The following PXK variants were observed in gnomAD, a reference collection of about 807,000 sequenced individuals.
PXK encodes PX domain containing serine/threonine kinase like, also known as PX domain-containing protein kinase-like protein.
A neutral mutation model predicts 84.7 loss-of-function variants in PXK; 35 were observed. The ratio of observed to expected loss-of-function variants is 0.41; its 90% CI spans 0.32 to 0.55. The LOEUF (loss-of-function observed/expected upper bound fraction) is 0.55. Ranked by LOEUF, PXK falls within the 20% of genes least tolerant of loss-of-function variation. PXK has a pLI of 0.21. For missense variants in PXK, 634 were observed against 699.7 expected, an observed-to-expected ratio of 0.91 and a Z score of 1.06; for synonymous variants, 253 against 260.8, an observed-to-expected ratio of 0.97 and a Z score of 0.29.
Position 58,424,882 on chromosome 3 carries a change from C to T in PXK, c.1659C>T (p.Leu553=). 1 of 1,614,254 alleles carries T rather than the reference C, an allele frequency of 6.2e-7. No individual in the cohort carries two copies. Residue 553 remains leucine, a synonymous_variant, in exon 18 of 18, where the codon CTC becomes CTT. Transcript: ENST00000356151. ...ATGGCATGAGCCGAGGGGCCTTGCT[C>T]AGCTCCATCCAGAATTTCCAAAAAG... ...AVNGMSRGAL[L]SSIQNFQKGT...
chr3:58,337,420 A>G (rs2097642573), intron 1 of PXK, among the ~76,000 whole-genome samples: 1 of 152,190 alleles, frequency 6.6e-6, no homozygotes, highest in African/African-American at 2.4e-5. Context: ...TAGAGATAGA[A>G]TGGTGAACCA....
intron 1 of PXK, among the ~76,000 whole-genome samples, chr3:58,350,036 G>A (rs1211598159): frequency 6.6e-6 from 1 of 152,202 alleles, no homozygotes; most frequent in Non-Finnish European, 1.5e-5. Context: ...TTTAACAGGA[G>A]CACAGTGTAG....
rs562710712 is a variant in PXK, at chr3:58,389,997, C to T, written c.389-585C>T. 1.5e-3 allele frequency among the ~76,000 whole-genome samples: 99 copies of T among 66,346 alleles called. 1 individual carries two copies. Among genetic ancestry groups the T allele is most frequent in the African/African-American group, 4.8e-3 (87 of 18,172 alleles). 43.5% of individuals were successfully genotyped at this position (66,346 alleles called of 152,430 possible). A position where few individuals can be genotyped will look rare whatever the true frequency, so the allele number is the denominator to read the frequency against. On this transcript the variant is annotated intron_variant, in intron 4 of 17. Coordinates refer to ENST00000356151, the MANE Select transcript of PXK (RefSeq NM_017771.5). ...CTGGGTAACAAGAGTGAAACTCCGT[C>T]TCAAAAAAAAAAAAAAAAAAAAAAA... is the stretch of plus-strand genomic sequence containing the variant.
intron 3 of PXK, among the ~76,000 whole-genome samples, chr3:58,371,900 A>G (rs770272337): frequency 1.4e-4 from 21 of 152,216 alleles, no homozygotes; most frequent in Non-Finnish European, 2.2e-4. Context: ...TGGCAGTGAA[A>G]TAATTTAAAA....
In PXK at chr3:58,336,063, ATATATATATTTTTT is replaced by A. The variant is rs1193893790; in HGVS notation, c.102+2975_102+2988del. Reference sequence around the variant, plus strand: ...CATATATATATATATATATATATATATATATATATTTTTTTTTTTTTTTTTTAATACCAATGGGG... The same window carrying A: ...CATATATATATATATATATATATATATTTTTTTTTTTTAATACCAATGGGG... On this transcript the variant is annotated intron_variant, in intron 1 of 17. Transcript: ENST00000356151. Among the ~76,000 whole-genome samples the A allele has an allele frequency of 1.9e-4, 11 of 58,108 alleles. No individual in the cohort carries two copies. In the East Asian group the frequency reaches 2.4e-3, roughly 13 times the overall value. 38.1% of individuals were successfully genotyped at this position (58,108 alleles called of 152,430 possible).
At position 58,389,669 on chromosome 3, in the gene PXK, A is replaced by AAAAC. The variant is rs199541114; in HGVS notation, c.389-905_389-902dup. Among the ~76,000 whole-genome samples, 17 of 98,726 alleles carry AAAAC rather than the reference A, an allele frequency of 1.7e-4. No homozygotes were observed. In the East Asian group the frequency reaches 3.0e-3, roughly 17 times the overall value. 64.8% of individuals were successfully genotyped at this position (98,726 alleles called of 152,430 possible). A position where few individuals can be genotyped will look rare whatever the true frequency, so the allele number is the denominator to read the frequency against. On this transcript the variant is annotated intron_variant, in intron 4 of 17. Transcript: ENST00000356151. ...AAATACCTTGTCACTAAAAAAAACAAAAACAAACAAAAAAAAAAACCACAC... is the reference window on the plus strand; with the variant it reads ...AAATACCTTGTCACTAAAAAAAACAAAAACAAACAAACAAAAAAAAAAACCACAC...
Position 58,421,792 on chromosome 3 carries a change from G to C in PXK, c.1529-2960G>C. On this transcript the variant is annotated intron_variant, in intron 17 of 17. Coordinates refer to ENST00000356151, the MANE Select transcript of PXK (RefSeq NM_017771.5). This position sits in a 1 kb window ranked among gnomAD's most constrained non-coding sequence, Gnocchi z 5.5. The stretch of plus-strand genomic sequence containing the variant: ...GGTAGAGTAAGTAGTTGGCTCTCAG[G>C]GATTTTGTCTAAGAGAAAGTGAGAT... 1 of 985,396 alleles carries C rather than the reference G, an allele frequency of 1.0e-6. No individual in the cohort carries two copies. Among genetic ancestry groups the C allele is most frequent in the South Asian group, 4.7e-5 (1 of 21,286 alleles). 61.0% of individuals were successfully genotyped at this position (985,396 alleles called of 1,614,324 possible).
Position 58,333,663 on chromosome 3 carries a change from C to T in PXK, c.102+573C>T, listed in dbSNP as rs1004417752. 2 of 456,450 alleles carry T rather than the reference C, an allele frequency of 4.4e-6. No individual in the cohort carries two copies. The highest frequency in any genetic ancestry group is 8.8e-6 in the Non-Finnish European group (2 of 226,880). The allele number at this position is 456,450 out of a possible 1,614,324, so 28.3% of individuals were successfully genotyped here. On this transcript the variant is annotated intron_variant, in intron 1 of 17. Coordinates refer to ENST00000356151, the MANE Select transcript of PXK (RefSeq NM_017771.5). The surrounding 1 kb of genome is among the most constrained non-coding windows in gnomAD (Gnocchi z 5.4). ...CCCTGGTCCCGGGAAGTGGTGGGGGCGGCAGTCGGGGCGCTGTTAAGCAGG... is the reference window on the plus strand; with the variant it reads ...CCCTGGTCCCGGGAAGTGGTGGGGGTGGCAGTCGGGGCGCTGTTAAGCAGG...
chr3:58,421,581 G>A lies in PXK; in HGVS notation c.1529-3171G>A, dbSNP rs750680213. Reference sequence around the variant, plus strand: ...GGCAACAGAGCGAGACTCCATCTCAGAAAAAAAGGAACTGGAGGGAGGGAC... The same window carrying A: ...GGCAACAGAGCGAGACTCCATCTCAAAAAAAAAGGAACTGGAGGGAGGGAC... On this transcript the variant is annotated intron_variant, in intron 17 of 17. Coordinates refer to ENST00000356151, the MANE Select transcript of PXK (RefSeq NM_017771.5). This position sits in a 1 kb window ranked among gnomAD's most constrained non-coding sequence, Gnocchi z 5.5. 1.0e-6 allele frequency: 1 copy of A among 987,464 alleles called. No homozygotes were observed. Among genetic ancestry groups the A allele is most frequent in the Non-Finnish European group, 1.2e-6 (1 of 829,762 alleles). 61.2% of individuals were successfully genotyped at this position (987,464 alleles called of 1,614,324 possible).
In PXK at chr3:58,413,102, A is replaced by G. The variant is rs201193584; in HGVS notation, c.1528+139A>G. The G allele has an allele frequency of 6.6e-5, 58 of 872,652 alleles. 1 individual carries two copies. In the East Asian group the frequency reaches 1.4e-3, roughly 21 times the overall value. 54.1% of individuals were successfully genotyped at this position (872,652 alleles called of 1,614,324 possible). On this transcript the variant is annotated intron_variant, in intron 17 of 17. Transcript: ENST00000356151. ...CTCAAGAGAAATCAGTGGGAGTGCAAATTAGCAGTGTCATTTGGGAGAGCT... is the reference window on the plus strand; with the variant it reads ...CTCAAGAGAAATCAGTGGGAGTGCAGATTAGCAGTGTCATTTGGGAGAGCT...
At chr3:58,371,476 C>T (rs578099267) in intron 3 of PXK, among the ~76,000 whole-genome samples, 6 of 152,358 alleles carry the variant, frequency 3.9e-5, no homozygotes, top group African/African-American at 1.4e-4. Context: ...CCTTTATGCT[C>T]AAGCGAACCT....
rs2058340591 is a variant in PXK at position 58,400,159 on chromosome 3, G to T, written c.1181+782G>T. On this transcript the variant is annotated intron_variant, in intron 12 of 17. Coordinates refer to ENST00000356151, the MANE Select transcript of PXK (RefSeq NM_017771.5). The surrounding 1 kb of genome is among the most constrained non-coding windows in gnomAD (Gnocchi z 4.0). ...TAGAGTTTTGTGAACTGTGAAATGGGAATGATAATAAGTTCCCACCTCAGA... is the reference window on the plus strand; with the variant it reads ...TAGAGTTTTGTGAACTGTGAAATGGTAATGATAATAAGTTCCCACCTCAGA... 6.6e-6 allele frequency among the ~76,000 whole-genome samples: 1 copy of T among 152,070 alleles called. No homozygotes were observed. Among genetic ancestry groups the T allele is most frequent in the East Asian group, 1.9e-4 (1 of 5,158 alleles).
chr3:58,350,399 A>T (rs371575013), intron 1 of PXK, among the ~76,000 whole-genome samples: 64 of 152,238 alleles, frequency 4.2e-4, no homozygotes, highest in Middle Eastern at 3.4e-3. Context: ...CATATTCTCC[A>T]GGCCCGGGTT....
At chr3:58,377,146 A>G (rs1291189339) in intron 3 of PXK, among the ~76,000 whole-genome samples, 1 of 152,242 alleles carries the variant, frequency 6.6e-6, no homozygotes, top group Non-Finnish European at 1.5e-5. Context: ...GCTGTGATAG[A>G]AAATTTACTC....
chr3:58,399,795 C>T lies in PXK; in HGVS notation c.1181+418C>T, dbSNP rs1300253964. Reference sequence around the variant, plus strand: ...AAGTCACAGGGCCTTGAAGGGTCTGCCCTCCAGGAAGAGGGCAACGTGTTT... The same window carrying T: ...AAGTCACAGGGCCTTGAAGGGTCTGTCCTCCAGGAAGAGGGCAACGTGTTT... On this transcript the variant is annotated intron_variant, in intron 12 of 17. Coordinates refer to ENST00000356151, the MANE Select transcript of PXK (RefSeq NM_017771.5). This position sits in a 1 kb window ranked among gnomAD's most constrained non-coding sequence, Gnocchi z 4.3. Among the ~76,000 whole-genome samples, 1 of 152,010 alleles carries T rather than the reference C, an allele frequency of 6.6e-6. No homozygotes were observed. The highest frequency in any genetic ancestry group is 1.5e-5 in the Non-Finnish European group (1 of 68,028).
rs1323292635 is a variant in PXK at position 58,407,738 on chromosome 3, G to T, written c.1231-1186G>T. Among the ~76,000 whole-genome samples the T allele has an allele frequency of 6.6e-6, 1 of 151,938 alleles. No individual in the cohort carries two copies. The highest frequency in any genetic ancestry group is 2.1e-4 in the South Asian group (1 of 4,810). On this transcript the variant is annotated intron_variant, in intron 13 of 17. Transcript: ENST00000356151. The surrounding 1 kb of genome is among the most constrained non-coding windows in gnomAD (Gnocchi z 4.3). ...CACCTGGCTAATTTTTGTATCTTTA[G>T]TAGAGACGGGGTTTTGCCATGTTGG... is the stretch of plus-strand genomic sequence containing the variant.
chr3:58,374,927 C>T (rs546083755), intron 3 of PXK, among the ~76,000 whole-genome samples: 6 of 152,272 alleles, frequency 3.9e-5, no homozygotes, highest in African/African-American at 1.2e-4. Context: ...AAACCACCTC[C>T]GGTCTGTCTG....
intron 17 of PXK, chr3:58,422,417 G>A: frequency 1.0e-6 from 1 of 985,414 alleles, no homozygotes; most frequent in Non-Finnish European, 1.2e-6. Flanking sequence ...GCTCCAGCCT[G>A]CTGAGGCCAC....
intron 17 of PXK, among the ~76,000 whole-genome samples, chr3:58,419,013 C>T (rs982001724): frequency 6.6e-6 from 1 of 152,172 alleles, no homozygotes; most frequent in African/African-American, 2.4e-5. Context: ...CCCAAAGGTA[C>T]AGGGAAAATT....
Sources: allele counts gnomAD v4.1 joint callset (sites outside exome capture counted in the v4.1 genomes callset), GRCh38; gene constraint gnomAD v4.1.1; non-coding constraint Gnocchi (gnomAD v3.1); transcripts MANE v1.5; gene names NCBI Gene and HGNC (gene_info 2026-07-23, HGNC 2026-07-21).